The following PLAUR variants were observed in gnomAD, a reference collection of about 807,000 sequenced individuals.
PLAUR encodes plasminogen activator, urokinase receptor, also known as urokinase plasminogen activator surface receptor.
In PLAUR, 22 loss-of-function variants were observed where a neutral mutation model predicts 33.4. The observed-to-expected ratio is 0.66, with a 90% CI of 0.47 to 0.94. The LOEUF (loss-of-function observed/expected upper bound fraction) is 0.94. Among genes scored for constraint, PLAUR ranks in the 40% least tolerant of loss-of-function variants. PLAUR has a pLI of 0.00. For missense variants in PLAUR, 408 were observed against 434.7 expected (o/e 0.94, Z 0.55); for synonymous variants, 148 against 167.3 (o/e 0.88, Z 0.89).
chr19:43,659,400 G>A (rs771897746), intron 3 of PLAUR, among the ~76,000 whole-genome samples: 28 of 151,946 alleles, frequency 1.8e-4, no homozygotes, highest in Non-Finnish European at 3.1e-4. Flanking sequence ...TGATCCTGCC[G>A]CTTCGGCCTC....
At chr19:43,667,748 C>T (rs1967321075) in intron 1 of PLAUR, 57 bp from the exon 2 acceptor site, 4 of 1,588,790 alleles carry the variant, frequency 2.5e-6, no homozygotes, top group African/African-American at 1.3e-5. Flanking sequence ...CCAAGACCCC[C>T]GCTCACCCCT....
At chr19:43,655,014 G>A (rs947077712) in intron 5 of PLAUR, among the ~76,000 whole-genome samples, 3 of 152,110 alleles carry the variant, frequency 2.0e-5, no homozygotes, top group Admixed American at 2.0e-4. Context: ...AGTGGCTCAT[G>A]CCTGTTACCC....
chr19:43,667,798 C>T (rs1371041552), intron 1 of PLAUR, 107 bp from the exon 2 acceptor site: 3 of 1,497,492 alleles, frequency 2.0e-6, no homozygotes, highest in Admixed American at 2.1e-5. Flanking sequence ...AGGCCCCGTC[C>T]ATTCAGATTC....
intron 6 of PLAUR, 138 bp from the exon 7 acceptor site, chr19:43,649,281 G>T: frequency 2.1e-6 from 2 of 963,142 alleles, no homozygotes; most frequent in Non-Finnish European, 3.1e-6. Flanking sequence ...AGGGCCAGGT[G>T]TGGTGGCTCA....
Position 43,667,682 on chromosome 19 carries a change from CCCCAAGAGG to C in PLAUR, c.56_64del (p.Ala19_Trp21del). On this transcript the variant is annotated inframe_deletion and splice_region_variant, in exon 2 of 7. Coordinates refer to ENST00000340093, the MANE Select transcript of PLAUR (RefSeq NM_002659.4). ...GGTCTTACACTGCATGCACCGCAGGCCCCAAGAGGCTGGGGGAAGGAGGGAGAGGAGAGG... is the reference window on the plus strand; with the variant it reads ...GGTCTTACACTGCATGCACCGCAGGCCTGGGGGAAGGAGGGAGAGGAGAGG... 6.2e-7 allele frequency: 1 copy of C among 1,613,804 alleles called. No homozygotes were observed. Among genetic ancestry groups the C allele is most frequent in the Non-Finnish European group, 8.5e-7 (1 of 1,179,932 alleles).
At chr19:43,666,136 C>G (rs1351982032) in intron 2 of PLAUR, among the ~76,000 whole-genome samples, 1 of 152,016 alleles carries the variant, frequency 6.6e-6, no homozygotes, top group African/African-American at 2.4e-5. Flanking sequence ...AATCATAGCT[C>G]ACCACAACCT....
At chr19:43,652,912 A>G (rs992590699) in intron 5 of PLAUR, among the ~76,000 whole-genome samples, 11 of 152,106 alleles carry the variant, frequency 7.2e-5, no homozygotes, top group South Asian at 2.1e-4. Context: ...CAGCCTCCCA[A>G]TGTTCTCGGA....
intron 3 of PLAUR, chr19:43,656,890 C>T (rs539322453): frequency 2.7e-6 from 1 of 367,224 alleles, no homozygotes. Context: ...CTTGTCACCC[C>T]CTACTCACCC....
At chr19:43,669,273 C>T (rs1967415016) in intron 1 of PLAUR, among the ~76,000 whole-genome samples, 1 of 152,168 alleles carries the variant, frequency 6.6e-6, no homozygotes, top group Non-Finnish European at 1.5e-5. Flanking sequence ...AGTCAGCCTC[C>T]CTTTGGGCCT....
intron 4 of PLAUR, among the ~76,000 whole-genome samples, 183 bp from the exon 5 acceptor site, chr19:43,655,756 C>T (rs560392549): frequency 3.9e-5 from 6 of 152,320 alleles, no homozygotes; most frequent in African/African-American, 1.2e-4. Flanking sequence ...TCCAGGTAGT[C>T]ATGTGATGAA....
chr19:43,663,964 C>T (rs1216592917), intron 3 of PLAUR, among the ~76,000 whole-genome samples: 1 of 152,108 alleles, frequency 6.6e-6, no homozygotes, highest in Admixed American at 6.6e-5. Flanking sequence ...CAGGACCCTT[C>T]ATGTCCCTGT....
chr19:43,653,984 C>A (rs1182850928), intron 5 of PLAUR, among the ~76,000 whole-genome samples: 1 of 152,002 alleles, frequency 6.6e-6, no homozygotes, highest in Non-Finnish European at 1.5e-5. Flanking sequence ...ATTAGCCAGG[C>A]ATGGTGGTGG....
chr19:43,668,607 C>T (rs1967375693), intron 1 of PLAUR, among the ~76,000 whole-genome samples: 2 of 150,494 alleles, frequency 1.3e-5, no homozygotes, highest in Non-Finnish European at 3.0e-5. Flanking sequence ...AACCCCCGCC[C>T]CTTGGCCCCT....
At chr19:43,657,540 C>G (rs572026944) in intron 3 of PLAUR, among the ~76,000 whole-genome samples, 2 of 152,296 alleles carry the variant, frequency 1.3e-5, no homozygotes, top group East Asian at 3.9e-4. Flanking sequence ...TCTGCCTTCC[C>G]TAACTCCTAC....
At position 43,665,473 on chromosome 19, in the gene PLAUR, A is replaced by T; in HGVS notation, c.167-14T>A. Reference sequence around the variant, plus strand: ...GCTCTTCTCCTTCTGCAAGGAGGGGATCTTCATTACCCCAGAGGCTCCTCT... The same window carrying T: ...GCTCTTCTCCTTCTGCAAGGAGGGGTTCTTCATTACCCCAGAGGCTCCTCT... On this transcript the variant is annotated splice_polypyrimidine_tract_variant and intron_variant, in intron 2 of 6. Transcript: ENST00000340093. The T allele has an allele frequency of 6.2e-7, 1 of 1,611,588 alleles. No individual in the cohort carries two copies. Among genetic ancestry groups the T allele is most frequent in the Non-Finnish European group, 8.5e-7 (1 of 1,179,452 alleles).
intron 2 of PLAUR, 49 bp from the exon 3 acceptor site, chr19:43,665,508 C>A: frequency 6.3e-7 from 1 of 1,594,058 alleles, no homozygotes; most frequent in East Asian, 2.3e-5. Context: ...TCAGCTCAAC[C>A]AGCCTCTGAC....
intron 1 of PLAUR, among the ~76,000 whole-genome samples, chr19:43,669,151 C>T (rs1337667572): frequency 1.3e-5 from 2 of 152,268 alleles, no homozygotes; most frequent in Non-Finnish European, 2.9e-5. Context: ...TCTCGAATTC[C>T]TCGACCCAGA....
intron 3 of PLAUR, 83 bp from the exon 4 acceptor site, chr19:43,656,723 A>G (rs1259728649): frequency 1.1e-5 from 13 of 1,145,216 alleles, no homozygotes; most frequent in Admixed American, 2.5e-5. Flanking sequence ...CTCAAAATCA[A>G]TTCCTCCTTA....
rs112538480 is a variant in PLAUR at position 43,663,753 on chromosome 19, C to T, written c.310+1563G>A. 2.2e-3 allele frequency among the ~76,000 whole-genome samples: 331 copies of T among 150,186 alleles called. 1 individual carries two copies. Among genetic ancestry groups the T allele is most frequent in the African/African-American group, 7.7e-3 (315 of 40,786 alleles). ...CCGAGATCGTGGCATTGCACTCCAGCCTGGGCAAGAAGAGTGAAACTCCAT... is the reference window on the plus strand; with the variant it reads ...CCGAGATCGTGGCATTGCACTCCAGTCTGGGCAAGAAGAGTGAAACTCCAT... On this transcript the variant is annotated intron_variant, in intron 3 of 6. Transcript: ENST00000340093.
Sources: gnomAD v4.1 joint callset for allele counts (sites outside exome capture counted in the v4.1 genomes callset) on GRCh38, gnomAD v4.1.1 for gene constraint, MANE v1.5 for transcripts, NCBI Gene and HGNC (gene_info 2026-07-23, HGNC 2026-07-21) for gene names.